The following STARD9 variants were observed in gnomAD, a reference collection of about 807,000 sequenced individuals.
STARD9 encodes the protein stAR-related lipid transfer protein 9.
A neutral mutation model predicts 399.8 loss-of-function variants in STARD9; 346 were observed. That is an observed-to-expected ratio of 0.87 (90% CI 0.79 to 0.95). The LOEUF (loss-of-function observed/expected upper bound fraction) is 0.95. STARD9 is among the 40% of genes least tolerant of loss of function. The probability of loss-of-function intolerance (pLI) is 0.00; values close to 1 mark genes in which losing one functional copy is unlikely to be tolerated. For synonymous variants in STARD9, 2,203 were observed against 2,143.5 expected, an observed-to-expected ratio of 1.03 and a Z score of -0.77; for missense variants, 5,832 against 5,667.5, an observed-to-expected ratio of 1.03 and a Z score of -0.93.
chr15:42,578,393 C>T (rs1220760008), intron 1 of STARD9, among the ~76,000 whole-genome samples: 3 of 152,150 alleles, frequency 2.0e-5, no homozygotes, highest in Admixed American at 1.3e-4. Flanking sequence ...TGAGCCACCA[C>T]GCCCAGCCTG....
chr15:42,622,684 A>T (rs1286660468), intron 3 of STARD9, among the ~76,000 whole-genome samples: 1 of 152,118 alleles, frequency 6.6e-6, no homozygotes, highest in Non-Finnish European at 1.5e-5. Flanking sequence ...GTAACTATGA[A>T]CTTTCCAAGG....
Position 42,675,739 on chromosome 15 carries a change from G to A in STARD9, c.1763G>A (p.Arg588Gln), listed in dbSNP as rs973577146. 8.5e-6 allele frequency: 13 copies of A among 1,537,056 alleles called. No homozygotes were observed. The Admixed American group carries it at 1.6e-4, about 19-fold the overall frequency. Residue 588 changes from arginine (R) to glutamine (Q), a missense_variant, in exon 19 of 33, where the codon CGA becomes CAA. By Grantham distance (43) the Arg-to-Gln change is conservative. Coordinates refer to ENST00000290607, the MANE Select transcript of STARD9 (RefSeq NM_020759.3). Reference sequence around the variant, plus strand: ...GCAGAGGCTGCTGTCCTGCGGCAGCGAAGGCAGGTTAGCAGGGCTGTGTTT... The same window carrying A: ...GCAGAGGCTGCTGTCCTGCGGCAGCAAAGGCAGGTTAGCAGGGCTGTGTTT... ...HPAEAAVLRQ[R>Q]RQVGEAAAGR...
At chr15:42,626,878 T>A (rs1274806495) in intron 3 of STARD9, among the ~76,000 whole-genome samples, 1 of 151,652 alleles carries the variant, frequency 6.6e-6, no homozygotes, top group Non-Finnish European at 1.5e-5. Context: ...ACAGCGTCTC[T>A]CTCTGTCACC....
chr15:42,652,436 C>A, intron 8 of STARD9, 84 bp from the exon 9 acceptor site: 3 of 1,154,442 alleles, frequency 2.6e-6, no homozygotes, highest in African/African-American at 1.5e-5. Context: ...TCAGCACTAA[C>A]ATTTCTTGTA....
chr15:42,719,575 C>T lies in STARD9; in HGVS notation c.*1C>T, dbSNP rs1260547705. On this transcript the variant is annotated 3_prime_UTR_variant, in exon 33 of 33. Transcript: ENST00000290607. The stretch of plus-strand genomic sequence containing the variant: ...ACTGGCTTCCTTCCTTGGTAGGTAG[C>T]ATCTCACCGTCAAGATGGTGCTGCT... The T allele has an allele frequency of 2.6e-6, 4 of 1,526,738 alleles. No individual in the cohort carries two copies. Among genetic ancestry groups the T allele is most frequent in the Non-Finnish European group, 3.5e-6 (4 of 1,137,574 alleles). The allele number at this position is 1,526,738 out of a possible 1,614,324, so 94.6% of individuals were successfully genotyped here. A position where few individuals can be genotyped will look rare whatever the true frequency, so the allele number is the denominator to read the frequency against.
intron 3 of STARD9, among the ~76,000 whole-genome samples, chr15:42,616,096 C>G (rs1412615463): frequency 6.6e-6 from 1 of 151,422 alleles, no homozygotes; most frequent in Non-Finnish European, 1.5e-5. Flanking sequence ...TGAAAAACAG[C>G]AAAGAAAAAA....
At chr15:42,674,594 GGC>G in intron 17 of STARD9, 103 bp downstream of exon 17, 1 of 1,248,942 alleles carries the variant, frequency 8.0e-7, no homozygotes, top group African/African-American at 1.5e-5. Flanking sequence ...GGGAATCATT[GGC>G]GTATTCAGGG....
chr15:42,695,007 A>G, intron 24 of STARD9, 133 bp from the exon 25 acceptor site: 1 of 851,748 alleles, frequency 1.2e-6, no homozygotes, highest in African/African-American at 1.7e-5. Flanking sequence ...CTAAAAAATC[A>G]TACTTTAAAA....
rs2140091055 is a variant in STARD9, at chr15:42,661,153, T to C, written c.703-5T>C. On this transcript the variant is annotated splice_polypyrimidine_tract_variant and splice_region_variant and intron_variant, in intron 9 of 32. Coordinates refer to ENST00000290607, the MANE Select transcript of STARD9 (RefSeq NM_020759.3). ...ATGACAGGCTTTAAATGTTTTCTCC[T>C]CTAGGCAATCCTGGAGAACAACCTC... 1 of 1,534,702 alleles carries C rather than the reference T, an allele frequency of 6.5e-7. No individual in the cohort carries two copies. The highest frequency in any genetic ancestry group is 8.7e-7 in the Non-Finnish European group (1 of 1,144,674).
intron 3 of STARD9, among the ~76,000 whole-genome samples, chr15:42,630,966 TCTTA>T (rs989998738): frequency 2.0e-5 from 3 of 151,858 alleles, no homozygotes; most frequent in African/African-American, 7.2e-5. Context: ...TTTGATTCGC[TCTTA>T]CTTTTCTAGC....
intron 3 of STARD9, among the ~76,000 whole-genome samples, chr15:42,615,832 A>G (rs532715301): frequency 3.3e-5 from 5 of 152,312 alleles, no homozygotes; most frequent in South Asian, 2.1e-4. Flanking sequence ...GAAGAGTTAT[A>G]TGCATAGCTA....
In STARD9 at chr15:42,694,205, C is replaced by T. The variant is rs886304600; in HGVS notation, c.12627C>T (p.Ser4209=). The change falls in exon 23 of 33, where the codon AGC becomes AGT. Residue 4209 remains serine, a synonymous_variant. Transcript: ENST00000290607. ...LQVGAQNLSL[S]VELTEAKLHH... Reference sequence around the variant, plus strand: ...TTGGGGCCCAGAACCTCTCACTCAGCGTGGAACTCACAGAAGCGAAACTGC... The same window carrying T: ...TTGGGGCCCAGAACCTCTCACTCAGTGTGGAACTCACAGAAGCGAAACTGC... 5.3e-5 allele frequency: 81 copies of T among 1,535,558 alleles called. No individual in the cohort carries two copies. The highest frequency in any genetic ancestry group is 6.8e-5 in the Non-Finnish European group (78 of 1,146,168).
chr15:42,684,189 ACAT>A lies in STARD9; in HGVS notation c.2617_2619del (p.Ser873del), dbSNP rs1362030513. On this transcript the variant is annotated inframe_deletion, in exon 23 of 33. Transcript: ENST00000290607. ...CCCTACACACCAAACATCAGAGAAA[ACAT>A]CATCAGAAGAGCATTTGCCACAGGC... 5.2e-6 allele frequency: 8 copies of A among 1,537,156 alleles called. No individual in the cohort carries two copies. The highest frequency in any genetic ancestry group is 1.4e-5 in the African/African-American group (1 of 73,062).
At chr15:42,653,829 T>C (rs1000850791) in intron 9 of STARD9, among the ~76,000 whole-genome samples, 1 of 152,180 alleles carries the variant, frequency 6.6e-6, no homozygotes, top group African/African-American at 2.4e-5. Flanking sequence ...CCTACATTCT[T>C]TCTCGTTTCT....
chr15:42,622,822 A>G (rs757602298), intron 3 of STARD9, among the ~76,000 whole-genome samples: 6 of 152,178 alleles, frequency 3.9e-5, no homozygotes, highest in Non-Finnish European at 5.9e-5. Flanking sequence ...TGAAAAGGAT[A>G]CATTTTATAT....
Position 42,685,162 on chromosome 15 carries a change from T to C in STARD9, c.3584T>C (p.Leu1195Pro). Residue 1195 changes from leucine (L) to proline (P), a missense_variant, in exon 23 of 33, where the codon CTT becomes CCT. By Grantham distance (98) the Leu-to-Pro change is moderately conservative. Transcript: ENST00000290607. ...GFTAASDSDL[L>P]AQTHRSFSLD... ...ACTGCAGCCTCAGACAGTGACCTAC[T>C]TGCTCAAACTCATAGGAGCTTCTCC... 6.5e-7 allele frequency: 1 copy of C among 1,537,168 alleles called. No homozygotes were observed. Among genetic ancestry groups the C allele is most frequent in the Non-Finnish European group, 8.7e-7 (1 of 1,146,910 alleles).
intron 3 of STARD9, among the ~76,000 whole-genome samples, chr15:42,596,087 A>G (rs1253113855): frequency 1.3e-5 from 2 of 152,214 alleles, no homozygotes; most frequent in Non-Finnish European, 2.9e-5. Flanking sequence ...TAAAATGCCA[A>G]AGCTTATGTG....
intron 3 of STARD9, among the ~76,000 whole-genome samples, chr15:42,590,757 CGA>C (rs61291485): frequency 1.3e-5 from 2 of 151,654 alleles, no homozygotes; most frequent in African/African-American, 4.8e-5. Context: ...CTTGTCACAG[CGA>C]GAGAGAGAGA....
At chr15:42,695,947 G>T in intron 26 of STARD9, 67 bp downstream of exon 26, 1 of 1,475,962 alleles carries the variant, frequency 6.8e-7, no homozygotes, top group Non-Finnish European at 9.0e-7. Context: ...TGAGCAGGAC[G>T]CTGTGCCTCC....
Sources: allele counts gnomAD v4.1 joint callset (sites outside exome capture counted in the v4.1 genomes callset), GRCh38; gene constraint gnomAD v4.1.1; transcripts MANE v1.5; gene names NCBI Gene and HGNC (gene_info 2026-07-23, HGNC 2026-07-21).